DAB1: variants seen among roughly 807,000 people sequenced by gnomAD.
DAB1 encodes disabled homolog 1.
Under a neutral mutation model 64.6 loss-of-function variants are expected in DAB1, and 15 were observed. The ratio of observed to expected loss-of-function variants is 0.23; its 90% CI spans 0.16 to 0.36. The LOEUF is 0.36. Among genes scored for constraint, DAB1 ranks in the 10% least tolerant of loss-of-function variants. The pLI is 1.00. For synonymous variants in DAB1, 235 were observed against 251.9 expected (o/e 0.93, Z 0.64); for missense variants, 596 against 706.7 (o/e 0.84, Z 1.78).
intron 14 of DAB1, among the ~76,000 whole-genome samples, chr1:57,002,286 C>T (rs1266793492): frequency 6.6e-6 from 1 of 152,126 alleles, no homozygotes; most frequent in Non-Finnish European, 1.5e-5. Flanking sequence ...GTTCTCCTGC[C>T]AATGATCTGC....
chr1:57,580,842 G>T (rs1490843613), intron 7 of DAB1, among the ~76,000 whole-genome samples: 1 of 152,196 alleles, frequency 6.6e-6, no homozygotes, highest in Non-Finnish European at 1.5e-5. Context: ...GTTAGTTGAG[G>T]TTCAGGGTGG....
At chr1:58,487,790 C>T (rs961896136) in intron 3 of DAB1, among the ~76,000 whole-genome samples, 1 of 152,256 alleles carries the variant, frequency 6.6e-6, no homozygotes. Flanking sequence ...TCCCCTCCCC[C>T]CTCAACACAC....
At chr1:57,324,611 A>G (rs1676004902) in intron 1 of DAB1, among the ~76,000 whole-genome samples, 1 of 152,168 alleles carries the variant, frequency 6.6e-6, no homozygotes, top group Non-Finnish European at 1.5e-5. Context: ...AACTGAATAC[A>G]TAACTATCCA....
rs557569086 is a variant in DAB1, at chr1:57,600,310, A to G, written n.625+49282T>C. On this transcript the variant is annotated intron_variant and non_coding_transcript_variant, in intron 7 of 20. Transcript: ENST00000485760. ...ATAATAGCTGTAAATGGAATCGATC[A>G]GAATAACAATAACAGTCTAGAGAAA... Among the ~76,000 whole-genome samples, 4 of 152,356 alleles carry G rather than the reference A, an allele frequency of 2.6e-5. No homozygotes were observed. The South Asian group carries it at 8.3e-4, about 32-fold the overall frequency.
intron 11 of DAB1, among the ~76,000 whole-genome samples, chr1:57,018,873 G>A (rs1486975934): frequency 6.6e-6 from 1 of 152,102 alleles, no homozygotes; most frequent in Non-Finnish European, 1.5e-5. Flanking sequence ...TTGCCCTCCA[G>A]CATTTGCAAA....
rs952294614 is a variant in DAB1 at position 57,019,225 on chromosome 1, A to G, written c.896-3794T>C. 3.9e-5 allele frequency among the ~76,000 whole-genome samples: 6 copies of G among 152,168 alleles called. No homozygotes were observed. The East Asian group carries it at 9.7e-4, about 25-fold the overall frequency. On this transcript the variant is annotated intron_variant, in intron 11 of 14. Coordinates refer to ENST00000371236, the MANE Select transcript of DAB1 (RefSeq NM_001365792.1). ...TTGGGACGGGAGAAAGGCCCTACAT[A>G]AAGGTAAATGAGTCCTAGTCAATAC...
At chr1:57,293,315 C>A (rs148739671) in intron 1 of DAB1, among the ~76,000 whole-genome samples, 250 of 152,262 alleles carry the variant, frequency 1.6e-3, no homozygotes, top group African/African-American at 5.6e-3. Context: ...GACTCTTTCC[C>A]AACTTATTTT....
At chr1:57,643,914 G>A (rs1646161000) in intron 7 of DAB1, among the ~76,000 whole-genome samples, 1 of 152,178 alleles carries the variant, frequency 6.6e-6, no homozygotes, top group Admixed American at 6.5e-5. Context: ...AGCAATTAGT[G>A]TGTCCATTTC....
intron 5 of DAB1, among the ~76,000 whole-genome samples, chr1:58,073,625 T>C (rs765112936): frequency 6.6e-6 from 1 of 152,226 alleles, no homozygotes; most frequent in Non-Finnish European, 1.5e-5. Flanking sequence ...GCATTAATGG[T>C]TGCAGCCCCA....
intron 5 of DAB1, among the ~76,000 whole-genome samples, chr1:58,047,700 A>G (rs1647330800): frequency 6.6e-6 from 1 of 152,220 alleles, no homozygotes; most frequent in Admixed American, 6.5e-5. Context: ...AATTCCATAC[A>G]TGTGAGAAAT....
intron 3 of DAB1, among the ~76,000 whole-genome samples, chr1:58,392,910 C>G (rs1002263121): frequency 6.6e-6 from 1 of 152,076 alleles, no homozygotes; most frequent in African/African-American, 2.4e-5. Context: ...CCTGGCTTTC[C>G]TCCTCCTCTC....
intron 2 of DAB1, among the ~76,000 whole-genome samples, chr1:57,211,430 G>A (rs1665998066): frequency 6.6e-6 from 1 of 152,084 alleles, no homozygotes; most frequent in African/African-American, 2.4e-5. Context: ...TTCTATCACA[G>A]GTATGGTATG....
intron 2 of DAB1, among the ~76,000 whole-genome samples, chr1:58,506,899 T>C (rs1645998337): frequency 6.6e-6 from 1 of 152,032 alleles, no homozygotes; most frequent in South Asian, 2.1e-4. Context: ...TAAAAGTACA[T>C]TAGTACTTTT....
chr1:57,790,420 C>A (rs1650540569), intron 6 of DAB1, among the ~76,000 whole-genome samples: 1 of 152,136 alleles, frequency 6.6e-6, no homozygotes, highest in African/African-American at 2.4e-5. Flanking sequence ...CCCAGCCCTG[C>A]AGAACTGTGA....
chr1:58,437,666 A>G (rs706430), intron 3 of DAB1, among the ~76,000 whole-genome samples: 89,251 of 152,160 alleles, frequency 0.59, 26,816 homozygotes, highest in African/African-American at 0.71. Context: ...TCTACTACCT[A>G]GAACAGTGGC....
intron 6 of DAB1, among the ~76,000 whole-genome samples, chr1:57,703,430 AAAG>A (rs1465280175): frequency 1.3e-5 from 2 of 152,246 alleles, no homozygotes; most frequent in Non-Finnish European, 2.9e-5. Flanking sequence ...AATCATGTGG[AAAG>A]AAGCTCAGAA....
At chr1:58,311,822 C>T (rs1443184830) in intron 4 of DAB1, among the ~76,000 whole-genome samples, 1 of 151,476 alleles carries the variant, frequency 6.6e-6, no homozygotes, top group Non-Finnish European at 1.5e-5. Context: ...ACATCTGCTT[C>T]CTGCAGGGCC....
chr1:57,551,384 G>T (rs1644912660), intron 7 of DAB1, among the ~76,000 whole-genome samples: 1 of 152,176 alleles, frequency 6.6e-6, no homozygotes. Flanking sequence ...TGCTGGTTCT[G>T]TGGCACAGGG....
chr1:57,124,923 C>T (rs1043527974), intron 4 of DAB1, among the ~76,000 whole-genome samples: 3 of 152,094 alleles, frequency 2.0e-5, no homozygotes, highest in African/African-American at 7.2e-5. Flanking sequence ...GCTCAGAATG[C>T]CTGTCCCTCC....
Sources: gnomAD v4.1 joint callset for allele counts (sites outside exome capture counted in the v4.1 genomes callset) on GRCh38, gnomAD v4.1.1 for gene constraint, MANE v1.5 for transcripts, NCBI Gene and HGNC (gene_info 2026-07-23, HGNC 2026-07-21) for gene names.